The following VAV3 variants were observed in gnomAD, a reference collection of about 807,000 sequenced individuals.
VAV3 encodes the protein vav guanine nucleotide exchange factor 3, also known as guanine nucleotide exchange factor VAV3.
A neutral mutation model predicts 131.2 loss-of-function variants in VAV3; 94 were observed. The observed-to-expected ratio is 0.72, with a 90% CI of 0.61 to 0.85. The LOEUF is 0.85. VAV3 is among the 40% of genes least tolerant of loss of function. The pLI is 0.00. For synonymous variants in VAV3, 349 were observed against 342.0 expected (o/e 1.02, Z -0.22); for missense variants, 939 against 1,002.7 (o/e 0.94, Z 0.86).
Position 107,602,395 on chromosome 1 carries a change from A to G in VAV3, c.2220+2T>C, listed in dbSNP as rs1297532259. ...GATTGAAAAGAAATAATCAATGCTT[A>G]CCATTAAACTTTTAAATTTTCTATT... On this transcript the variant is annotated splice_donor_variant, in intron 24 of 26. Coordinates refer to ENST00000370056, the MANE Select transcript of VAV3 (RefSeq NM_006113.5). LOFTEE classifies it high-confidence loss of function. 1.3e-6 allele frequency: 2 copies of G among 1,537,934 alleles called. No individual in the cohort carries two copies. Among genetic ancestry groups the G allele is most frequent in the Non-Finnish European group, 1.8e-6 (2 of 1,138,884 alleles).
At chr1:107,607,082 G>A (rs578082559) in intron 22 of VAV3, among the ~76,000 whole-genome samples, 2 of 151,684 alleles carry the variant, frequency 1.3e-5, no homozygotes, top group East Asian at 3.9e-4. Flanking sequence ...AGCCTCCCGA[G>A]TAGCTAGGAT....
chr1:107,655,967 G>A (rs1656519913), intron 19 of VAV3, among the ~76,000 whole-genome samples: 1 of 152,134 alleles, frequency 6.6e-6, no homozygotes. Context: ...CAGTGAGGGT[G>A]TGGAGAAAGG....
At chr1:107,763,687 G>A (rs189996608) in intron 9 of VAV3, among the ~76,000 whole-genome samples, 19 of 152,280 alleles carry the variant, frequency 1.2e-4, no homozygotes, top group Admixed American at 1.2e-3. Flanking sequence ...TCAACATAAT[G>A]AAGGAATATT....
intron 1 of VAV3, chr1:107,897,182 T>C (rs1348759006): frequency 6.6e-6 from 1 of 151,832 alleles, no homozygotes; most frequent in African/African-American, 2.4e-5. Context: ...CTCTGTTGCC[T>C]AGAGACACAG....
intron 2 of VAV3, among the ~76,000 whole-genome samples, chr1:107,785,291 C>T (rs1030999277): frequency 5.9e-5 from 9 of 152,162 alleles, no homozygotes; most frequent in African/African-American, 2.2e-4. Context: ...AGCCATGAGA[C>T]CAACATGTAG....
chr1:107,670,240 G>A (rs1474856524), intron 19 of VAV3, among the ~76,000 whole-genome samples: 6 of 152,054 alleles, frequency 3.9e-5, no homozygotes, highest in African/African-American at 1.2e-4. Flanking sequence ...CAGCTATTTC[G>A]TGCCAAGCAA....
chr1:107,907,617 T>C (rs1672166203), intron 1 of VAV3, among the ~76,000 whole-genome samples: 1 of 152,054 alleles, frequency 6.6e-6, no homozygotes, highest in African/African-American at 2.4e-5. Flanking sequence ...ACAGTAGTTG[T>C]CATAAAAGCA....
chr1:107,721,233 G>A (rs1324124341), intron 15 of VAV3, among the ~76,000 whole-genome samples: 2 of 152,186 alleles, frequency 1.3e-5, no homozygotes, highest in African/African-American at 4.8e-5. Flanking sequence ...AGGAAAGTGA[G>A]GGGAGCATAT....
At chr1:107,785,597 G>C in intron 2 of VAV3, 1 of 1,163,326 alleles carries the variant, frequency 8.6e-7, no homozygotes, top group Non-Finnish European at 1.1e-6. Context: ...AGAGGCTCAA[G>C]GCACAGATGT....
intron 1 of VAV3, among the ~76,000 whole-genome samples, chr1:107,939,571 C>G (rs76592): frequency 0.86 from 130,395 of 152,154 alleles, 56,821 homozygotes; most frequent in South Asian, 0.94. Flanking sequence ...TTTTGGTTTT[C>G]CATCCCATCA....
At chr1:107,841,674 T>C (rs1234184973) in intron 2 of VAV3, among the ~76,000 whole-genome samples, 1 of 152,190 alleles carries the variant, frequency 6.6e-6, no homozygotes, top group Non-Finnish European at 1.5e-5. Context: ...GATTCAAGTA[T>C]TATTTTTCAT....
intron 1 of VAV3, among the ~76,000 whole-genome samples, chr1:107,929,237 G>A (rs1390856060): frequency 2.2e-5 from 3 of 136,870 alleles, no homozygotes; most frequent in Admixed American, 7.9e-5. Context: ...GCAGTGAGCC[G>A]AGATCACACC....
chr1:107,932,063 C>T (rs886143884), intron 1 of VAV3, among the ~76,000 whole-genome samples: 1 of 152,234 alleles, frequency 6.6e-6, no homozygotes, highest in African/African-American at 2.4e-5. Context: ...CAGCCTGGCA[C>T]ACTGCACTGG....
intron 20 of VAV3, among the ~76,000 whole-genome samples, chr1:107,620,141 C>A (rs1653457056): frequency 6.6e-6 from 1 of 152,128 alleles, no homozygotes; most frequent in South Asian, 2.1e-4. Flanking sequence ...AAGGGATAAT[C>A]TCTCAGTCAT....
intron 15 of VAV3, among the ~76,000 whole-genome samples, chr1:107,728,615 A>ATATGTATATGTATATGTATATGTG (rs1176525211): frequency 2.9e-5 from 3 of 102,778 alleles, no homozygotes. Context: ...ATGTATATGT[A>ATATGTATATGTATATGTATATGTG]TATGTATATG....
intron 18 of VAV3, 94 bp downstream of exon 18, chr1:107,688,287 G>T: frequency 1.5e-6 from 2 of 1,358,694 alleles, no homozygotes; most frequent in Non-Finnish European, 2.0e-6. Flanking sequence ...ATTTTAAAAG[G>T]CACATTTAAC....
chr1:107,858,471 G>C (rs1204689352), intron 2 of VAV3, among the ~76,000 whole-genome samples: 2 of 152,230 alleles, frequency 1.3e-5, no homozygotes, highest in African/African-American at 4.8e-5. Flanking sequence ...CCAACCCCCA[G>C]ACCAGTACCA....
At chr1:107,873,650 C>A (rs1670351816) in intron 2 of VAV3, among the ~76,000 whole-genome samples, 1 of 152,146 alleles carries the variant, frequency 6.6e-6, no homozygotes, top group Admixed American at 6.6e-5. Flanking sequence ...GTTCGTTGTA[C>A]AAATTATCAT....
chr1:107,745,249 G>A (rs1663266631), intron 15 of VAV3, among the ~76,000 whole-genome samples: 1 of 152,070 alleles, frequency 6.6e-6, no homozygotes, highest in Admixed American at 6.6e-5. Context: ...ATATCGATCA[G>A]CCTCTTAAAG....
Sources: allele counts gnomAD v4.1 joint callset (sites outside exome capture counted in the v4.1 genomes callset), GRCh38; gene constraint gnomAD v4.1.1; transcripts MANE v1.5; gene names NCBI Gene and HGNC (gene_info 2026-07-23, HGNC 2026-07-21).